Variants in PGS1 observed in about 807,000 individuals in gnomAD.
The protein encoded by PGS1 is CDP-diacylglycerol--glycerol-3-phosphate 3-phosphatidyltransferase, mitochondrial.
A neutral mutation model predicts 58.3 loss-of-function variants in PGS1; 44 were observed. The ratio of observed to expected loss-of-function variants is 0.75; its 90% CI spans 0.59 to 0.97. The LOEUF is 0.97. Ranked by LOEUF, PGS1 falls within the 50% of genes least tolerant of loss-of-function variation. PGS1 has a pLI of 0.00. For synonymous variants in PGS1, 330 were observed against 311.0 expected (o/e 1.06, Z -0.64); for missense variants, 684 against 731.1 (o/e 0.94, Z 0.74).
chr17:78,393,142 G>A (rs2082952297), intron 2 of PGS1, among the ~76,000 whole-genome samples: 1 of 151,326 alleles, frequency 6.6e-6, no homozygotes, highest in Admixed American at 6.6e-5. Flanking sequence ...CTCACTGCAA[G>A]CTCCGCCTCT....
rs373348551 is a variant in PGS1 at position 78,400,743 on chromosome 17, G to A, written c.768G>A (p.Ala256=). 3.1e-5 allele frequency: 50 copies of A among 1,613,932 alleles called. No individual in the cohort carries two copies. The highest frequency in any genetic ancestry group is 1.6e-4 in the Middle Eastern group (1 of 6,084). ...GCTACGTGTTCCTGCAGGACTGTGC[G>A]GAGATTGCCGACTTCTTCACGGAGC... ...QDRYVFLQDC[A]EIADFFTELV... Residue 256 remains alanine (A), a synonymous_variant, in exon 6 of 10, where the codon GCG becomes GCA. Transcript: ENST00000262764. This position sits in a 1 kb window ranked among gnomAD's most constrained non-coding sequence, Gnocchi z 4.4.
intron 1 of PGS1, among the ~76,000 whole-genome samples, chr17:78,391,478 C>T (rs1292842460): frequency 6.6e-6 from 1 of 152,040 alleles, no homozygotes; most frequent in African/African-American, 2.4e-5. Flanking sequence ...TGCTACCATG[C>T]CCAGGTAACT....
rs775956749 is a variant in PGS1 at position 78,396,334 on chromosome 17, G to A, written c.360G>A (p.Arg120=). The part of the protein sequence containing the change: ...MKGQIRVAKR[R]VVMASLYLGT... ...GGCAGATAAGAGTAGCCAAGAGGCG[G>A]GTCGTGATGGCATCCCTCTACCTGG... Residue 120 remains arginine, a synonymous_variant, in exon 3 of 10, where the codon CGG becomes CGA. Transcript: ENST00000262764. 1.2e-6 allele frequency: 2 copies of A among 1,613,822 alleles called. No individual in the cohort carries two copies. The highest frequency in any genetic ancestry group is 1.7e-6 in the Non-Finnish European group (2 of 1,179,770).
At chr17:78,410,747 C>CG (rs984048226) in intron 7 of PGS1, among the ~76,000 whole-genome samples, 1 of 152,016 alleles carries the variant, frequency 6.6e-6, no homozygotes, top group African/African-American at 2.4e-5. Context: ...CCTGGGATTA[C>CG]GGGGTTGAGC....
chr17:78,396,534 C>T, intron 3 of PGS1, 149 bp downstream of exon 3: 1 of 631,628 alleles, frequency 1.6e-6, no homozygotes. Context: ...CAGATATGGG[C>T]ATGTCAGGAG....
At chr17:78,413,546 C>G (rs1264230003) in intron 7 of PGS1, among the ~76,000 whole-genome samples, 1 of 152,178 alleles carries the variant, frequency 6.6e-6, no homozygotes, top group Non-Finnish European at 1.5e-5. Context: ...CACCTGCTCC[C>G]CCTCCCTCAC....
chr17:78,380,283 G>A (rs867421798), intron 1 of PGS1, among the ~76,000 whole-genome samples: 1 of 152,174 alleles, frequency 6.6e-6, no homozygotes, highest in African/African-American at 2.4e-5. Context: ...TGTACTCCTC[G>A]GGTGAGATTT....
intron 7 of PGS1, among the ~76,000 whole-genome samples, chr17:78,411,824 G>A (rs902827008): frequency 1.3e-5 from 2 of 151,852 alleles, no homozygotes; most frequent in African/African-American, 4.8e-5. Flanking sequence ...CATCCTGACT[G>A]GTGGTGCGGG....
At chr17:78,409,725 C>G (rs562193081) in intron 7 of PGS1, among the ~76,000 whole-genome samples, 1 of 152,334 alleles carries the variant, frequency 6.6e-6, no homozygotes, top group Admixed American at 6.5e-5. Context: ...TCTGAGAACC[C>G]TGTAAGATTT....
chr17:78,394,782 C>T (rs780585719), intron 2 of PGS1, among the ~76,000 whole-genome samples: 44 of 152,136 alleles, frequency 2.9e-4, no homozygotes, highest in African/African-American at 7.0e-4. Flanking sequence ...CTCGAACTCC[C>T]GACTTCAGGT....
chr17:78,397,148 C>T (rs368356561), intron 3 of PGS1, among the ~76,000 whole-genome samples: 4 of 152,342 alleles, frequency 2.6e-5, no homozygotes, highest in South Asian at 4.1e-4. Context: ...AGCCAGCAGT[C>T]ACCAGGTTTA....
intron 1 of PGS1, among the ~76,000 whole-genome samples, chr17:78,382,322 T>C (rs1056378009): frequency 2.4e-4 from 37 of 152,176 alleles, no homozygotes; most frequent in Admixed American, 2.3e-3. Flanking sequence ...GTATGATTTC[T>C]TTTGATTCTG....
chr17:78,391,608 G>C (rs1399212533), intron 1 of PGS1, among the ~76,000 whole-genome samples: 1 of 152,102 alleles, frequency 6.6e-6, no homozygotes, highest in African/African-American at 2.4e-5. Context: ...CTCCCAAGTA[G>C]CTGGGACTAC....
Position 78,392,021 on chromosome 17 carries a change from T to C in PGS1, c.144-455T>C, listed in dbSNP as rs2082871570. Among the ~76,000 whole-genome samples, 6 of 152,246 alleles carry C rather than the reference T, an allele frequency of 3.9e-5. No homozygotes were observed. The South Asian group carries it at 1.2e-3, about 31-fold the overall frequency. On this transcript the variant is annotated intron_variant, in intron 1 of 9. Coordinates refer to ENST00000262764, the MANE Select transcript of PGS1 (RefSeq NM_024419.5). ...GAGTCATAAAGCGGGGCATCTGGGCTGTAATCATCAGACTTCTGCCAGACT... is the reference window on the plus strand; with the variant it reads ...GAGTCATAAAGCGGGGCATCTGGGCCGTAATCATCAGACTTCTGCCAGACT...
chr17:78,397,736 C>T (rs563765724), intron 3 of PGS1, among the ~76,000 whole-genome samples: 1 of 152,206 alleles, frequency 6.6e-6, no homozygotes, highest in East Asian at 1.9e-4. Context: ...CGCCCGGCCG[C>T]CTCCCTCTAT....
At chr17:78,407,025 A>T (rs2146258962) in intron 7 of PGS1, among the ~76,000 whole-genome samples, 1 of 152,088 alleles carries the variant, frequency 6.6e-6, no homozygotes, top group South Asian at 2.1e-4. Context: ...TCCCGGACTG[A>T]TGTGCTTCTG....
intron 7 of PGS1, among the ~76,000 whole-genome samples, chr17:78,410,781 T>C (rs1484790632): frequency 6.6e-6 from 1 of 152,066 alleles, no homozygotes. Flanking sequence ...CGTCAGAGCT[T>C]TTTTTACACT....
Position 78,399,517 on chromosome 17 carries a change from C to G in PGS1, c.681C>G (p.Asp227Glu). The G allele has an allele frequency of 6.2e-7, 1 of 1,614,210 alleles. No homozygotes were observed. Among genetic ancestry groups the G allele is most frequent in the Non-Finnish European group, 8.5e-7 (1 of 1,180,040 alleles). Residue 227 changes from aspartate (D) to glutamate (E), a missense_variant, in exon 5 of 10, where the codon GAC becomes GAG. Physicochemically the swap from Asp to Glu is conservative, Grantham distance 45 (BLOSUM62 2). Transcript: ENST00000262764. ...GLQHIKVYLF[D>E]NSVILSGANL... ...AGCACATTAAGGTGTACCTCTTCGA[C>G]AACAGCGTCATCTTGAGCGGGTGAG...
chr17:78,415,132 G>A (rs1162144257), intron 8 of PGS1, 105 bp downstream of exon 8: 12 of 1,292,846 alleles, frequency 9.3e-6, no homozygotes, highest in South Asian at 5.1e-5. Context: ...CTGAGGCAAC[G>A]AGTGAGACTC....
Sources: allele counts gnomAD v4.1 joint callset (sites outside exome capture counted in the v4.1 genomes callset), GRCh38; gene constraint gnomAD v4.1.1; non-coding constraint Gnocchi (gnomAD v3.1); transcripts MANE v1.5; gene names NCBI Gene and HGNC (gene_info 2026-07-23, HGNC 2026-07-21).